Variants in PRRC2C observed in about 807,000 individuals in gnomAD.
PRRC2C encodes protein PRRC2C.
In PRRC2C, 72 loss-of-function variants were observed where a neutral mutation model predicts 317.2. The observed-to-expected ratio is 0.23, with a 90% CI of 0.19 to 0.28. The LOEUF is 0.28. PRRC2C is among the 10% of genes least tolerant of loss of function. The pLI is 1.00. For missense variants in PRRC2C, 3,074 were observed against 3,459.7 expected (o/e 0.89, Z 2.80); for synonymous variants, 1,296 against 1,205.9 (o/e 1.07, Z -1.55).
intron 32 of PRRC2C, 103 bp from the exon 33 acceptor site, chr1:171,588,276 A>G (rs1650516196): frequency 5.3e-6 from 7 of 1,311,456 alleles, no homozygotes; most frequent in Non-Finnish European, 7.5e-6. Flanking sequence ...AATTTTTACC[A>G]ACTACCAAGT....
intron 1 of PRRC2C, among the ~76,000 whole-genome samples, chr1:171,497,802 T>C (rs894038782): frequency 6.6e-6 from 1 of 151,856 alleles, no homozygotes; most frequent in Non-Finnish European, 1.5e-5. Context: ...ACTATATCTT[T>C]GGAGCTCAGA....
intron 12 of PRRC2C, among the ~76,000 whole-genome samples, chr1:171,534,486 T>C (rs1676456760): frequency 6.6e-6 from 1 of 152,178 alleles, no homozygotes; most frequent in African/African-American, 2.4e-5. Flanking sequence ...CCCCCTCAAT[T>C]CTGATACTAG....
chr1:171,509,808 G>C (rs1571666884), intron 1 of PRRC2C: 1 of 142,728 alleles, frequency 7.0e-6, no homozygotes, highest in Non-Finnish European at 1.5e-5. Context: ...GAGAAACATG[G>C]TTTCTCTAGA....
chr1:171,536,023 T>C lies in PRRC2C; in HGVS notation c.2044-6T>C. The C allele has an allele frequency of 6.4e-7, 1 of 1,552,162 alleles. No homozygotes were observed. The highest frequency in any genetic ancestry group is 8.7e-7 in the Non-Finnish European group (1 of 1,147,076). On this transcript the variant is annotated splice_region_variant and splice_polypyrimidine_tract_variant and intron_variant, in intron 13 of 34. Transcript: ENST00000647382. Reference sequence around the variant, plus strand: ...ACTCTCAAGATATGGGATCTTACTTTTTCAGGAACAGATGAAACAGCAGCA... The same window carrying C: ...ACTCTCAAGATATGGGATCTTACTTCTTCAGGAACAGATGAAACAGCAGCA...
intron 11 of PRRC2C, among the ~76,000 whole-genome samples, chr1:171,528,286 ATTTTTTT>A (rs60053076): frequency 7.4e-6 from 1 of 135,778 alleles, no homozygotes; most frequent in Admixed American, 7.5e-5. Flanking sequence ...CATCAGTGAA[ATTTTTTT>A]TTTTTTTTTT....
chr1:171,580,309 C>G (rs1163050263), intron 28 of PRRC2C, among the ~76,000 whole-genome samples: 1 of 152,190 alleles, frequency 6.6e-6, no homozygotes, highest in Admixed American at 6.5e-5. Context: ...TATGTACGAG[C>G]TGAGGCATGG....
intron 16 of PRRC2C, among the ~76,000 whole-genome samples, chr1:171,542,582 T>C (rs1399040098): frequency 5.3e-5 from 8 of 152,220 alleles, no homozygotes; most frequent in Admixed American, 5.2e-4. Flanking sequence ...AAACCTCTAA[T>C]GCTACACAGG....
chr1:171,486,229 A>G (rs975899242), intron 1 of PRRC2C, among the ~76,000 whole-genome samples: 12 of 151,078 alleles, frequency 7.9e-5, no homozygotes, highest in South Asian at 4.2e-4. Flanking sequence ...GCAATGAGCA[A>G]TGTATGGGAG....
chr1:171,556,740 A>T (rs769111355), intron 18 of PRRC2C, among the ~76,000 whole-genome samples: 4 of 152,254 alleles, frequency 2.6e-5, no homozygotes, highest in African/African-American at 4.8e-5. Flanking sequence ...ATTGTAATTT[A>T]TATTAGTTCA....
chr1:171,491,322 G>A (rs999707305), intron 1 of PRRC2C, among the ~76,000 whole-genome samples: 3 of 152,164 alleles, frequency 2.0e-5, no homozygotes, highest in Non-Finnish European at 4.4e-5. Context: ...TATGCAGCTT[G>A]TATACTGCCC....
At chr1:171,502,008 C>T (rs957775408) in intron 1 of PRRC2C, among the ~76,000 whole-genome samples, 3 of 152,228 alleles carry the variant, frequency 2.0e-5, no homozygotes, top group South Asian at 4.1e-4. Flanking sequence ...ATTGCCCAGG[C>T]TGGGCTTGGA....
intron 19 of PRRC2C, among the ~76,000 whole-genome samples, chr1:171,559,807 C>T (rs886730539): frequency 3.3e-5 from 5 of 152,142 alleles, no homozygotes; most frequent in African/African-American, 9.7e-5. Flanking sequence ...AGGTGTGAGC[C>T]ACCATGCCTG....
chr1:171,564,956 T>C (rs1399731669), intron 20 of PRRC2C, among the ~76,000 whole-genome samples: 1 of 152,204 alleles, frequency 6.6e-6, no homozygotes, highest in Non-Finnish European at 1.5e-5. Flanking sequence ...TAACCTTATG[T>C]AGTAATTGAC....
At chr1:171,561,559 G>A (rs757207527) in intron 20 of PRRC2C, among the ~76,000 whole-genome samples, 1 of 152,186 alleles carries the variant, frequency 6.6e-6, no homozygotes, top group Non-Finnish European at 1.5e-5. Context: ...GGTCTGGGTT[G>A]AGGTTTGAAT....
At chr1:171,514,676 A>G in intron 4 of PRRC2C, 31 bp downstream of exon 4, 2 of 1,520,932 alleles carry the variant, frequency 1.3e-6, no homozygotes, top group Non-Finnish European at 1.8e-6. Context: ...GAAGCTGCCT[A>G]GGCTTGATAG....
rs1651548374 is a variant in PRRC2C at position 171,592,029 on chromosome 1, G to A, written c.*182G>A. ...ACACAGCTGCTGTACCAGTGAAAAC[G>A]AGGCTTTGCAAGCTTGTACCTACTA... On this transcript the variant is annotated 3_prime_UTR_variant, in exon 35 of 35. Transcript: ENST00000647382. The A allele has an allele frequency of 9.4e-6, 7 of 745,716 alleles. No individual in the cohort carries two copies. The South Asian group carries it at 1.7e-4, about 18-fold the overall frequency. The allele number at this position is 745,716 out of a possible 1,614,324, so 46.2% of individuals were successfully genotyped here. A position where few individuals can be genotyped will look rare whatever the true frequency, so the allele number is the denominator to read the frequency against.
Position 171,556,035 on chromosome 1 carries a change from G to T in PRRC2C, c.5128-1205G>T, listed in dbSNP as rs564520800. Among the ~76,000 whole-genome samples, 387 of 152,234 alleles carry T rather than the reference G, an allele frequency of 2.5e-3. 1 individual carries two copies. Among genetic ancestry groups the T allele is most frequent in the Non-Finnish European group, 4.9e-3 (334 of 68,014 alleles). ...ATGCCCTGCCCCCAGAGCATACAGA[G>T]TCTACAGAGTCAGGCAGGCCTCATT... On this transcript the variant is annotated intron_variant, in intron 18 of 34. Coordinates refer to ENST00000647382, the MANE Select transcript of PRRC2C (RefSeq NM_001387844.1).
intron 18 of PRRC2C, among the ~76,000 whole-genome samples, chr1:171,552,314 T>C (rs1680406584): frequency 6.6e-6 from 1 of 152,230 alleles, no homozygotes; most frequent in South Asian, 2.1e-4. Flanking sequence ...ATTGATTTTA[T>C]ATTCTGAGAC....
chr1:171,589,934 G>A (rs235905), intron 34 of PRRC2C, among the ~76,000 whole-genome samples: 119,063 of 149,746 alleles, frequency 0.8, 47,468 homozygotes, highest in Middle Eastern at 0.89. Context: ...CTTTTTTTTG[G>A]AATAGCAAAG....
Sources: allele counts gnomAD v4.1 joint callset (sites outside exome capture counted in the v4.1 genomes callset), GRCh38; gene constraint gnomAD v4.1.1; transcripts MANE v1.5; gene names NCBI Gene and HGNC (gene_info 2026-07-23, HGNC 2026-07-21).